Variants in LAMA2 observed in about 807,000 individuals in gnomAD.
The protein encoded by LAMA2 is laminin subunit alpha 2, also known as laminin subunit alpha-2.
In LAMA2, 269 loss-of-function variants were observed where a neutral mutation model predicts 364.8. The observed-to-expected ratio is 0.74, with a 90% CI of 0.67 to 0.82. The LOEUF is 0.82. LAMA2 is among the 40% of genes least tolerant of loss of function. The pLI is 0.00. For missense variants in LAMA2, 3,807 were observed against 3,873.2 expected (o/e 0.98, Z 0.45); for synonymous variants, 1,379 against 1,370.6 (o/e 1.01, Z -0.14).
chr6:129,070,178 G>T (rs1184442144), intron 3 of LAMA2, among the ~76,000 whole-genome samples: 1 of 152,046 alleles, frequency 6.6e-6, no homozygotes, highest in South Asian at 2.1e-4. Flanking sequence ...GGAGCAAATA[G>T]GCCCACTTCC....
At chr6:128,990,545 G>A (rs1032541791) in intron 1 of LAMA2, among the ~76,000 whole-genome samples, 3 of 152,130 alleles carry the variant, frequency 2.0e-5, no homozygotes, top group African/African-American at 4.8e-5. Context: ...AGGTAATAGC[G>A]CCCTATAGAG....
At chr6:129,187,674 C>G (rs1413180955) in intron 10 of LAMA2, among the ~76,000 whole-genome samples, 1 of 151,676 alleles carries the variant, frequency 6.6e-6, no homozygotes, top group Non-Finnish European at 1.5e-5. Context: ...ATGCTTGAGA[C>G]CAGAAATGTT....
chr6:129,364,931 G>A (rs953309941), intron 32 of LAMA2, among the ~76,000 whole-genome samples: 1 of 152,176 alleles, frequency 6.6e-6, no homozygotes, highest in African/African-American at 2.4e-5. Context: ...AGGAGGAAGT[G>A]GGGGCTGGAG....
At chr6:129,363,941 G>C (rs2114614779) in intron 32 of LAMA2, among the ~76,000 whole-genome samples, 1 of 152,262 alleles carries the variant, frequency 6.6e-6, no homozygotes, top group South Asian at 2.1e-4. Flanking sequence ...TCTTTTACTT[G>C]GTTTCCATGC....
chr6:129,204,100 A>G (rs948202831), intron 12 of LAMA2, among the ~76,000 whole-genome samples: 1 of 152,190 alleles, frequency 6.6e-6, no homozygotes, highest in African/African-American at 2.4e-5. Context: ...ATAAAAATTG[A>G]CAATCAGAGA....
chr6:128,978,432 C>T (rs1400733545), intron 1 of LAMA2, among the ~76,000 whole-genome samples: 1 of 151,594 alleles, frequency 6.6e-6, no homozygotes, highest in East Asian at 1.9e-4. Flanking sequence ...ATTCACTTGC[C>T]TCAGCCTCCT....
chr6:129,252,388 A>T, intron 14 of LAMA2, 93 bp downstream of exon 14: 4 of 876,112 alleles, frequency 4.6e-6, no homozygotes, highest in Non-Finnish European at 7.5e-6. Context: ...TAAGGCACCT[A>T]GGATTTGCTG....
chr6:129,234,947 A>G (rs1462606562), intron 12 of LAMA2, among the ~76,000 whole-genome samples: 2 of 152,226 alleles, frequency 1.3e-5, no homozygotes, highest in Non-Finnish European at 2.9e-5. Context: ...GAAATCTAGT[A>G]AATTAAGTTC....
chr6:129,219,908 A>G (rs999501544), intron 12 of LAMA2, among the ~76,000 whole-genome samples: 3 of 151,414 alleles, frequency 2.0e-5, no homozygotes, highest in African/African-American at 4.9e-5. Context: ...AGCATGGCAC[A>G]TGTATACATA....
intron 12 of LAMA2, among the ~76,000 whole-genome samples, chr6:129,202,307 C>G (rs1230960075): frequency 1.3e-5 from 2 of 151,962 alleles, no homozygotes; most frequent in Admixed American, 6.6e-5. Flanking sequence ...GTTGGTGTCC[C>G]CCTAAAACTT....
chr6:129,456,580 CTG>C (rs1381381717), intron 48 of LAMA2, 86 bp downstream of exon 48: 1 of 1,241,256 alleles, frequency 8.1e-7, no homozygotes, highest in African/African-American at 1.5e-5. Context: ...TGATAAAGCT[CTG>C]TAAAACTTGA....
intron 12 of LAMA2, among the ~76,000 whole-genome samples, chr6:129,199,347 T>C (rs1015954812): frequency 7.9e-5 from 12 of 152,176 alleles, no homozygotes; most frequent in African/African-American, 2.9e-4. Flanking sequence ...GAAAAGCACT[T>C]TAACTGATGA....
intron 1 of LAMA2, among the ~76,000 whole-genome samples, chr6:129,004,530 G>A (rs956244130): frequency 2.8e-4 from 43 of 151,400 alleles, no homozygotes; most frequent in Non-Finnish European, 5.4e-4. Flanking sequence ...TAGCCAGCAT[G>A]TATTTCCACA....
intron 4 of LAMA2, among the ~76,000 whole-genome samples, chr6:129,114,671 T>A (rs1776359099): frequency 6.6e-6 from 1 of 151,988 alleles, no homozygotes; most frequent in Non-Finnish European, 1.5e-5. Context: ...GATGATTAGG[T>A]AGTTGAAAGA....
At position 128,984,858 on chromosome 6, in the gene LAMA2, T is replaced by C. The variant is rs192186469; in HGVS notation, c.113-65060T>C. Among the ~76,000 whole-genome samples, 61 of 152,298 alleles carry C rather than the reference T, an allele frequency of 4.0e-4. No homozygotes were observed. The East Asian group carries it at 0.01, about 25-fold the overall frequency. On this transcript the variant is annotated intron_variant, in intron 1 of 64. Transcript: ENST00000421865. ...CAACATAAATTCCATGTATCCACCCTGGGAATCACTTCACTGCGTTGAATC... is the reference window on the plus strand; with the variant it reads ...CAACATAAATTCCATGTATCCACCCCGGGAATCACTTCACTGCGTTGAATC...
chr6:129,070,697 T>C (rs985237721), intron 3 of LAMA2, among the ~76,000 whole-genome samples: 1 of 152,206 alleles, frequency 6.6e-6, no homozygotes, highest in African/African-American at 2.4e-5. Flanking sequence ...ATGTACAGTT[T>C]TTAATTATTT....
chr6:129,500,767 C>T (rs1288333583), intron 58 of LAMA2, among the ~76,000 whole-genome samples: 1 of 152,176 alleles, frequency 6.6e-6, no homozygotes, highest in Non-Finnish European at 1.5e-5. Flanking sequence ...TCCAGTCTAC[C>T]AGCAATCCAA....
chr6:129,236,093 A>T (rs1373291616), intron 12 of LAMA2, among the ~76,000 whole-genome samples: 1 of 152,204 alleles, frequency 6.6e-6, no homozygotes, highest in Non-Finnish European at 1.5e-5. Flanking sequence ...TAAATGTGTC[A>T]ATTATAAAAC....
Position 129,507,786 on chromosome 6 carries a change from A to G in LAMA2, c.8857+144A>G, listed in dbSNP as rs148279896. The stretch of plus-strand genomic sequence containing the variant: ...AAAAGAAACTTATGGAAGTAATTTC[A>G]AAAATGCCTCTTAAAAATTCATGTA... On this transcript the variant is annotated intron_variant, in intron 62 of 64. Transcript: ENST00000421865. 123 of 801,822 alleles carry G rather than the reference A, an allele frequency of 1.5e-4. No homozygotes were observed. The African/African-American group carries it at 1.9e-3, about 13-fold the overall frequency. 49.7% of individuals were successfully genotyped at this position (801,822 alleles called of 1,614,324 possible). A position where few individuals can be genotyped will look rare whatever the true frequency, so the allele number is the denominator to read the frequency against.
Sources: gnomAD v4.1 joint callset for allele counts (sites outside exome capture counted in the v4.1 genomes callset) on GRCh38, gnomAD v4.1.1 for gene constraint, MANE v1.5 for transcripts, NCBI Gene and HGNC (gene_info 2026-07-23, HGNC 2026-07-21) for gene names.